NFIC: variants seen among roughly 807,000 people sequenced by gnomAD.
NFIC encodes nuclear factor I C.
A neutral mutation model predicts 54.4 loss-of-function variants in NFIC; 12 were observed. That is an observed-to-expected ratio of 0.22 (90% CI 0.14 to 0.36). NFIC has a LOEUF of 0.36. NFIC is among the 10% of genes least tolerant of loss of function. The probability of loss-of-function intolerance (pLI) is 1.00; values close to 1 mark genes in which losing one functional copy is unlikely to be tolerated. For synonymous variants in NFIC, 322 were observed against 319.2 expected, an observed-to-expected ratio of 1.01 and a Z score of -0.09; for missense variants, 575 against 718.2, an observed-to-expected ratio of 0.80 and a Z score of 2.28.
upstream of NFIC, among the ~76,000 whole-genome samples, chr19:3,365,847 C>T (rs1476757667): frequency 6.6e-6 from 1 of 152,136 alleles, no homozygotes; most frequent in East Asian, 1.9e-4. Flanking sequence ...AGCCTGGGCC[C>T]TTCTGGCCAA....
chr19:3,409,440 AATG>A (rs1406582806), intron 2 of NFIC, among the ~76,000 whole-genome samples: 2 of 152,132 alleles, frequency 1.3e-5, no homozygotes, highest in East Asian at 3.9e-4. Flanking sequence ...AACCGTGTGA[AATG>A]ATCTGAGGCT....
chr19:3,432,529 A>G (rs2082135782), intron 3 of NFIC, among the ~76,000 whole-genome samples: 1 of 152,228 alleles, frequency 6.6e-6, no homozygotes. Context: ...AGATCTCACG[A>G]CAACCCCGAT....
At chr19:3,461,186 C>T (rs2082632731) in intron 10 of NFIC, among the ~76,000 whole-genome samples, 1 of 150,510 alleles carries the variant, frequency 6.6e-6, no homozygotes, top group South Asian at 2.1e-4. Context: ...TGGCTCATGT[C>T]TGTAATCCTA....
chr19:3,381,828 G>A lies in NFIC; in HGVS notation c.147G>A (p.Met49Ile), dbSNP rs1364320846. 4.3e-6 allele frequency: 7 copies of A among 1,614,034 alleles called. No homozygotes were observed. The South Asian group carries it at 7.7e-5, about 18-fold the overall frequency. The change falls in exon 2 of 11, where the codon ATG (methionine) becomes ATA (isoleucine). Residue 49 changes from methionine (M) to isoleucine (I), a missense_variant. Met to Ile is a conservative substitution (Grantham distance 10). Transcript: ENST00000443272. ...ACTTCAAGAAGCACGAGAAGCGGAT[G>A]TCGAAGGACGAGGAGCGTGCGGTCA... ...RKYFKKHEKRMSKDEERAVKD... is the reference protein window; with the variant it reads ...RKYFKKHEKRISKDEERAVKD...
At chr19:3,404,118 C>T (rs1417959600) in intron 2 of NFIC, among the ~76,000 whole-genome samples, 1 of 152,008 alleles carries the variant, frequency 6.6e-6, no homozygotes, top group Non-Finnish European at 1.5e-5. Context: ...CCCAGGGCTC[C>T]CCCCGAGGCC....
At chr19:3,446,633 G>A (rs915435994) in intron 6 of NFIC, among the ~76,000 whole-genome samples, 3 of 152,158 alleles carry the variant, frequency 2.0e-5, no homozygotes, top group Admixed American at 6.5e-5. Flanking sequence ...CTAAAAATTC[G>A]GCTCCCCAGG....
intron 4 of NFIC, among the ~76,000 whole-genome samples, 168 bp downstream of exon 4, chr19:3,433,760 A>G (rs2082157210): frequency 6.6e-6 from 1 of 152,058 alleles, no homozygotes; most frequent in African/African-American, 2.4e-5. Context: ...CCAGAGCCCA[A>G]GGTCAGGGCT....
chr19:3,387,260 G>A (rs1240278933), intron 2 of NFIC, among the ~76,000 whole-genome samples: 8 of 152,234 alleles, frequency 5.3e-5, no homozygotes, highest in Admixed American at 1.3e-4. Context: ...CCAGCACTTC[G>A]GGAGGCCGAG....
intron 2 of NFIC, among the ~76,000 whole-genome samples, chr19:3,422,994 C>T (rs952715414): frequency 1.4e-5 from 2 of 146,404 alleles, no homozygotes; most frequent in African/African-American, 5.1e-5. Context: ...GTCAGGAGTT[C>T]GAGACCAGCC....
At chr19:3,394,529 C>CCT (rs1568418458) in intron 2 of NFIC, among the ~76,000 whole-genome samples, 7 of 69,600 alleles carry the variant, frequency 1.0e-4, no homozygotes, top group Admixed American at 4.9e-4. Context: ...ACCCACCCCC[C>CCT]ACCCGCTTAC....
At chr19:3,376,442 A>AAAAAAAAAAAAAAAAAAAG (rs2081108541) in intron 1 of NFIC, among the ~76,000 whole-genome samples, 1 of 150,060 alleles carries the variant, frequency 6.7e-6, no homozygotes, top group Non-Finnish European at 1.5e-5. Flanking sequence ...AAAAAAAAAA[A>AAAAAAAAAAAAAAAAAAAG]AAAAAAAAAA....
At chr19:3,371,390 T>C (rs1349108262) in intron 1 of NFIC, 1 of 150,424 alleles carries the variant, frequency 6.6e-6, no homozygotes, top group African/African-American at 2.5e-5. Context: ...AGCGGTGCGA[T>C]CTTGGCTCAC....
chr19:3,445,792 G>A (rs966749673), intron 6 of NFIC, among the ~76,000 whole-genome samples: 2 of 152,152 alleles, frequency 1.3e-5, no homozygotes, highest in African/African-American at 2.4e-5. Context: ...GAGGAGGTGG[G>A]GACAGGACTG....
upstream of NFIC, among the ~76,000 whole-genome samples, chr19:3,364,497 T>G (rs1465007825): frequency 6.6e-6 from 1 of 152,150 alleles, no homozygotes; most frequent in African/African-American, 2.4e-5. Context: ...CCACCCAAAC[T>G]GGGATATAGG....
intron 10 of NFIC, among the ~76,000 whole-genome samples, chr19:3,461,237 A>G (rs1198681127): frequency 6.7e-6 from 1 of 150,094 alleles, no homozygotes; most frequent in Non-Finnish European, 1.5e-5. Flanking sequence ...CCTGGTCTAC[A>G]TGGCGAAACC....
rs1302940426 is a variant in NFIC, at chr19:3,458,298, C to T, written c.1509+1663C>T. 6.6e-6 allele frequency among the ~76,000 whole-genome samples: 1 copy of T among 152,196 alleles called. No individual in the cohort carries two copies. The highest frequency in any genetic ancestry group is 1.5e-5 in the Non-Finnish European group (1 of 68,042). ...AGCCCGGCATTACCTCTGCCACCCCCACCCCACATCGCTCCCTGCCCCTGC... is the reference window on the plus strand; with the variant it reads ...AGCCCGGCATTACCTCTGCCACCCCTACCCCACATCGCTCCCTGCCCCTGC... On this transcript the variant is annotated intron_variant, in intron 10 of 10. Coordinates refer to ENST00000443272, the MANE Select transcript of NFIC (RefSeq NM_001245002.2). The surrounding 1 kb of genome is among the most constrained non-coding windows in gnomAD (Gnocchi z 4.1).
chr19:3,403,229 GAGAA>G (rs2081584961), intron 2 of NFIC, among the ~76,000 whole-genome samples: 1 of 152,142 alleles, frequency 6.6e-6, no homozygotes, highest in African/African-American at 2.4e-5. Context: ...GCTTGGGAAG[GAGAA>G]AGTTTCCTTC....
upstream of NFIC, among the ~76,000 whole-genome samples, chr19:3,363,273 T>A (rs902539140): frequency 0.025 from 1,106 of 43,448 alleles, 4 homozygotes; most frequent in Non-Finnish European, 0.033. Flanking sequence ...ATATATATTT[T>A]TTTTTTTTTT....
At position 3,464,526 on chromosome 19, in the gene NFIC, G is replaced by GGCCCCC; in HGVS notation, c.*1757_*1758insGCCCCC. 1 of 935,206 alleles carries GGCCCCC rather than the reference G, an allele frequency of 1.1e-6. No individual in the cohort carries two copies. The highest frequency in any genetic ancestry group is 1.3e-6 in the Non-Finnish European group (1 of 799,376). The allele number at this position is 935,206 out of a possible 1,614,324, so 57.9% of individuals were successfully genotyped here. A position where few individuals can be genotyped will look rare whatever the true frequency, so the allele number is the denominator to read the frequency against. On this transcript the variant is annotated 3_prime_UTR_variant, in exon 11 of 11. Coordinates refer to ENST00000443272, the MANE Select transcript of NFIC (RefSeq NM_001245002.2). ...GCTCAAACACAAGGACCCCTCCCCGGCCCACCCAGCCCAGCCCCAACTGAC... is the reference window on the plus strand; with the variant it reads ...GCTCAAACACAAGGACCCCTCCCCGGGCCCCCCCCACCCAGCCCAGCCCCAACTGAC...
Sources: gnomAD v4.1 joint callset for allele counts (sites outside exome capture counted in the v4.1 genomes callset) on GRCh38, gnomAD v4.1.1 for gene constraint, Gnocchi (gnomAD v3.1) non-coding constraint, MANE v1.5 for transcripts, NCBI Gene and HGNC (gene_info 2026-07-23, HGNC 2026-07-21) for gene names.